Variants in SPMIP11 observed in about 807,000 individuals in gnomAD.
SPMIP11 encodes sperm microtubule inner protein 11.
At chr12:48,741,838 G>A in the SPMIP11 span, among the ~76,000 whole-genome samples, 1 of 151,704 alleles carries the variant, frequency 6.6e-6, no homozygotes, top group Non-Finnish European at 1.5e-5. Flanking sequence ...GCAAGGTCTC[G>A]CTATGTTGTC....
chr12:48,729,721 A>T, the SPMIP11 span, among the ~76,000 whole-genome samples: 1 of 151,744 alleles, frequency 6.6e-6, no homozygotes, highest in African/African-American at 2.4e-5. Flanking sequence ...AAAAAAAAAA[A>T]AAAAAAGATT....
At chr12:48,769,075 A>G in the SPMIP11 span, 49 of 1,604,158 alleles carry the variant, frequency 3.1e-5, no homozygotes, top group Non-Finnish European at 4.1e-5. Context: ...AGGTGGAGAG[A>G]ACAGCAAGAG....
At chr12:48,758,428 G>T in the SPMIP11 span, among the ~76,000 whole-genome samples, 314 of 152,314 alleles carry the variant, frequency 2.1e-3, no homozygotes, top group African/African-American at 6.9e-3. Flanking sequence ...GTCACTAGCG[G>T]ATAACTTTAT....
the SPMIP11 span, among the ~76,000 whole-genome samples, chr12:48,752,103 T>C: frequency 3.3e-5 from 5 of 151,354 alleles, no homozygotes; most frequent in Non-Finnish European, 7.4e-5. Flanking sequence ...AAAGGTGTAT[T>C]GTGGACATTA....
the SPMIP11 span, among the ~76,000 whole-genome samples, chr12:48,730,771 C>T: frequency 3.3e-5 from 5 of 152,092 alleles, no homozygotes; most frequent in Non-Finnish European, 2.9e-5. Flanking sequence ...AACTCCACCT[C>T]TACTAAAAAT....
chr12:48,758,216 A>T, the SPMIP11 span, among the ~76,000 whole-genome samples: 2 of 152,190 alleles, frequency 1.3e-5, no homozygotes, highest in Non-Finnish European at 2.9e-5. Flanking sequence ...AATGTTGGGA[A>T]GCACGTAAAA....
chr12:48,761,319 C>G, the SPMIP11 span, among the ~76,000 whole-genome samples: 1 of 151,886 alleles, frequency 6.6e-6, no homozygotes, highest in Non-Finnish European at 1.5e-5. Context: ...GGCATAGTGG[C>G]AGGCGCCTGT....
At chr12:48,755,837 C>T in the SPMIP11 span, among the ~76,000 whole-genome samples, 1 of 151,890 alleles carries the variant, frequency 6.6e-6, no homozygotes, top group African/African-American at 2.4e-5. Context: ...CTAGACTGGC[C>T]ACTAGGAATA....
chr12:48,730,882 G>A, the SPMIP11 span, among the ~76,000 whole-genome samples: 5 of 152,324 alleles, frequency 3.3e-5, no homozygotes, highest in African/African-American at 1.2e-4. Context: ...AGGTTGCAGT[G>A]AGGCGTGATC....
chr12:48,734,440 A>G, the SPMIP11 span, among the ~76,000 whole-genome samples: 1 of 152,158 alleles, frequency 6.6e-6, no homozygotes, highest in Non-Finnish European at 1.5e-5. Flanking sequence ...TTGCCTTCCC[A>G]TTACGACAGC....
chr12:48,731,557 C>T, the SPMIP11 span, among the ~76,000 whole-genome samples: 3 of 152,096 alleles, frequency 2.0e-5, no homozygotes, highest in Admixed American at 6.6e-5. Flanking sequence ...CATTCACTGG[C>T]GCTAAATGGT....
At chr12:48,731,490 C>CAA in the SPMIP11 span, among the ~76,000 whole-genome samples, 2 of 135,112 alleles carry the variant, frequency 1.5e-5, no homozygotes, top group Admixed American at 7.5e-5. Flanking sequence ...GACTCCATCT[C>CAA]AAAAAAAAAA....
chr12:48,741,370 T>C, the SPMIP11 span, among the ~76,000 whole-genome samples: 1 of 152,134 alleles, frequency 6.6e-6, no homozygotes, highest in Non-Finnish European at 1.5e-5. Context: ...ATTTTTGTAA[T>C]AGTATAGGCA....
At chr12:48,741,841 A>G in the SPMIP11 span, among the ~76,000 whole-genome samples, 4 of 151,924 alleles carry the variant, frequency 2.6e-5, no homozygotes, top group East Asian at 5.8e-4. Context: ...AGGTCTCGCT[A>G]TGTTGTCCAG....
At chr12:48,742,278 C>CTTTTCTTT in the SPMIP11 span, among the ~76,000 whole-genome samples, 1 of 135,926 alleles carries the variant, frequency 7.4e-6, no homozygotes, top group African/African-American at 2.9e-5. Context: ...TTTTCTTTTC[C>CTTTTCTTT]TTTTTTTTTT....
the SPMIP11 span, among the ~76,000 whole-genome samples, chr12:48,754,579 T>C: frequency 1.3e-5 from 2 of 151,752 alleles, no homozygotes; most frequent in Non-Finnish European, 2.9e-5. Flanking sequence ...GCCTCTCGAG[T>C]AGCTGGGACT....
chr12:48,732,057 G>A, the SPMIP11 span, among the ~76,000 whole-genome samples: 1 of 151,412 alleles, frequency 6.6e-6, no homozygotes, highest in Non-Finnish European at 1.5e-5. Context: ...GCTGAGGCAC[G>A]AGAATCTCTT....
chr12:48,744,110 T>C, the SPMIP11 span, among the ~76,000 whole-genome samples: 55 of 151,166 alleles, frequency 3.6e-4, 1 homozygote, highest in Middle Eastern at 0.021. Context: ...TAGCCGGGCA[T>C]GGTGGAGCAT....
chr12:48,769,077 C>G, the SPMIP11 span: 1 of 1,601,006 alleles, frequency 6.2e-7, no homozygotes, highest in South Asian at 1.1e-5. Flanking sequence ...GTGGAGAGAA[C>G]AGCAAGAGAC....
Sources: gnomAD v4.1 joint callset for allele counts (sites outside exome capture counted in the v4.1 genomes callset) on GRCh38, gnomAD v4.1.1 for gene constraint, MANE v1.5 for transcripts, NCBI Gene and HGNC (gene_info 2026-07-23, HGNC 2026-07-21) for gene names.